Variants in EIF3H observed in about 807,000 individuals in gnomAD.
EIF3H encodes eukaryotic translation initiation factor 3 subunit H.
Under a neutral mutation model 44.2 loss-of-function variants are expected in EIF3H, and 26 were observed. That is an observed-to-expected ratio of 0.59 (90% CI 0.43 to 0.82). EIF3H has a LOEUF of 0.82. Among genes scored for constraint, EIF3H ranks in the 40% least tolerant of loss-of-function variants. EIF3H has a pLI of 0.00. For synonymous variants in EIF3H, 166 were observed against 151.9 expected (o/e 1.09, Z -0.68); for missense variants, 359 against 432.8 (o/e 0.83, Z 1.51).
At chr8:116,750,621 G>A (rs1301477135) in intron 1 of EIF3H, among the ~76,000 whole-genome samples, 8 of 151,802 alleles carry the variant, frequency 5.3e-5, no homozygotes, top group Non-Finnish European at 1.2e-4. Flanking sequence ...ATGTTAGCCA[G>A]GACGGTCTTG....
At chr8:116,655,755 C>G (rs1813478236) in intron 5 of EIF3H, 101 bp downstream of exon 5, 2 of 1,272,522 alleles carry the variant, frequency 1.6e-6, no homozygotes, top group South Asian at 2.5e-5. Context: ...TATAAACGTT[C>G]TTAAGTAACT....
chr8:116,719,074 T>C (rs541794036), intron 2 of EIF3H, among the ~76,000 whole-genome samples: 1 of 152,256 alleles, frequency 6.6e-6, no homozygotes, highest in South Asian at 2.1e-4. Flanking sequence ...ACGTGAATAG[T>C]ACATTCGAGG....
intron 1 of EIF3H, among the ~76,000 whole-genome samples, chr8:116,749,118 CAA>C (rs1054453394): frequency 6.6e-6 from 1 of 151,978 alleles, no homozygotes; most frequent in African/African-American, 2.4e-5. Flanking sequence ...AAGGGGAAAA[CAA>C]AATTTAAAAG....
chr8:116,763,417 A>G (rs1160639996), intron 1 of EIF3H, among the ~76,000 whole-genome samples: 2 of 152,338 alleles, frequency 1.3e-5, no homozygotes, highest in East Asian at 3.9e-4. Context: ...TTGTTTTAAG[A>G]GGCATATGTT....
At chr8:116,752,779 G>GGAAGGAAGGAA (rs1563663197) in intron 1 of EIF3H, among the ~76,000 whole-genome samples, 1 of 53,500 alleles carries the variant, frequency 1.9e-5, no homozygotes, top group African/African-American at 6.8e-5. Context: ...GAGGGAGGGA[G>GGAAGGAAGGAA]GGAGGGAGGG....
intron 1 of EIF3H, among the ~76,000 whole-genome samples, chr8:116,742,701 T>C (rs1417554674): frequency 6.6e-6 from 1 of 152,238 alleles, no homozygotes; most frequent in Non-Finnish European, 1.5e-5. Context: ...ACTCTCATTA[T>C]AATTTGTTTC....
chr8:116,752,121 C>T (rs577982880), intron 1 of EIF3H, among the ~76,000 whole-genome samples: 1 of 152,130 alleles, frequency 6.6e-6, no homozygotes, highest in Non-Finnish European at 1.5e-5. Flanking sequence ...CCAATAAGAA[C>T]CCTCAGGATT....
rs1436925391 is a variant in EIF3H, at chr8:116,657,212, T to C, written c.557+3A>G. On this transcript the variant is annotated splice_donor_region_variant and intron_variant, in intron 4 of 7. Coordinates refer to ENST00000521861, the MANE Select transcript of EIF3H (RefSeq NM_003756.3). ...CCTTTACCAGATGCCCCCAAACACTTACGCTTCAGGGGAAAAATCCTTTTC... is the reference window on the plus strand; with the variant it reads ...CCTTTACCAGATGCCCCCAAACACTCACGCTTCAGGGGAAAAATCCTTTTC... The C allele has an allele frequency of 1.2e-6, 2 of 1,610,062 alleles. No homozygotes were observed. The highest frequency in any genetic ancestry group is 2.7e-5 in the African/African-American group (2 of 74,804).
intron 2 of EIF3H, among the ~76,000 whole-genome samples, chr8:116,713,082 T>C (rs1300862190): frequency 2.0e-5 from 3 of 152,182 alleles, no homozygotes; most frequent in Non-Finnish European, 4.4e-5. Context: ...GAAATTCAAA[T>C]ATCTTTACGT....
chr8:116,686,231 T>G (rs1284396001), intron 2 of EIF3H, among the ~76,000 whole-genome samples: 1 of 152,192 alleles, frequency 6.6e-6, no homozygotes, highest in African/African-American at 2.4e-5. Context: ...AAGCTTATTT[T>G]GGGCTCTATA....
chr8:116,650,422 T>C (rs1813369737), intron 5 of EIF3H, among the ~76,000 whole-genome samples: 1 of 152,236 alleles, frequency 6.6e-6, no homozygotes, highest in South Asian at 2.1e-4. Flanking sequence ...ATTAAAAATA[T>C]ATACTCACAC....
At chr8:116,739,700 G>C (rs1815099873) in intron 1 of EIF3H, among the ~76,000 whole-genome samples, 1 of 152,136 alleles carries the variant, frequency 6.6e-6, no homozygotes, top group Non-Finnish European at 1.5e-5. Context: ...CTCTGTTGGA[G>C]ACTCTCAGCT....
At chr8:116,656,471 A>G (rs1813492265) in intron 4 of EIF3H, among the ~76,000 whole-genome samples, 1 of 152,226 alleles carries the variant, frequency 6.6e-6, no homozygotes, top group African/African-American at 2.4e-5. Flanking sequence ...TAGTTAGAAC[A>G]TGCCAAGAAC....
At chr8:116,671,149 G>A (rs1264668426) in intron 2 of EIF3H, among the ~76,000 whole-genome samples, 1 of 152,192 alleles carries the variant, frequency 6.6e-6, no homozygotes, top group African/African-American at 2.4e-5. Context: ...TAAACATCTA[G>A]GAAAGCATAA....
At chr8:116,662,897 A>G (rs1305968875) in intron 2 of EIF3H, among the ~76,000 whole-genome samples, 1 of 152,190 alleles carries the variant, frequency 6.6e-6, no homozygotes, top group Non-Finnish European at 1.5e-5. Context: ...CCAGATTCCA[A>G]TCTCCTGGAT....
rs559646858 is a variant in EIF3H at position 116,746,509 on chromosome 8, T to C, written c.132+9157A>G. On this transcript the variant is annotated intron_variant, in intron 1 of 7. Transcript: ENST00000521861. ...ACTGGGGTCTTCAAGTATATGAAGC[T>C]GCTATAAAATGTAAAAGAAAATGAG... 4.6e-5 allele frequency among the ~76,000 whole-genome samples: 7 copies of C among 152,296 alleles called. No individual in the cohort carries two copies. The South Asian group carries it at 1.4e-3, about 32-fold the overall frequency.
Position 116,657,225 on chromosome 8 carries a change from A to G in EIF3H, c.547T>C (p.Ser183Pro), listed in dbSNP as rs1813505974. The G allele has an allele frequency of 3.7e-6, 6 of 1,613,410 alleles. No homozygotes were observed. Among genetic ancestry groups the G allele is most frequent in the Non-Finnish European group, 4.2e-6 (5 of 1,179,412 alleles). ...CCCCCAAACACTTACGCTTCAGGGG[A>G]AAAATCCTTTTCTTTACAAACTTCC... ...LMEVCKEKDF[S>P]PEALKKANIT... Residue 183 changes from serine (S) to proline (P), a missense_variant, in exon 4 of 8, where the codon TCC becomes CCC. Ser to Pro is a moderately conservative substitution (Grantham distance 74). This residue lies in a region of EIF3H where 85 missense variants were observed against 79.2 expected (regional missense o/e 1.07). Transcript: ENST00000521861.
In EIF3H at chr8:116,685,683, G is replaced by A. The variant is rs879592585; in HGVS notation, c.290-26703C>T. On this transcript the variant is annotated intron_variant, in intron 2 of 7. Transcript: ENST00000521861. The stretch of plus-strand genomic sequence containing the variant: ...GCAAGTCCAGGTGACCAGGAGAGAT[G>A]GCATTATTAACTCAAAAGGCACACA... Among the ~76,000 whole-genome samples, 8 of 152,136 alleles carry A rather than the reference G, an allele frequency of 5.3e-5. 1 individual carries two copies. The highest frequency in any genetic ancestry group is 1.2e-4 in the Non-Finnish European group (8 of 68,016).
At chr8:116,665,824 C>A (rs753077353) in intron 2 of EIF3H, among the ~76,000 whole-genome samples, 1 of 152,160 alleles carries the variant, frequency 6.6e-6, no homozygotes, top group Non-Finnish European at 1.5e-5. Context: ...GCTGCACATA[C>A]GTTTCAGGCA....
Sources: allele counts gnomAD v4.1 joint callset (sites outside exome capture counted in the v4.1 genomes callset), GRCh38; gene constraint gnomAD v4.1.1; regional missense constraint gnomAD v4.1.1; transcripts MANE v1.5; gene names NCBI Gene and HGNC (gene_info 2026-07-23, HGNC 2026-07-21).